The following MIER1 variants were observed in gnomAD, a reference collection of about 807,000 sequenced individuals.
MIER1 encodes MIER1 transcriptional regulator.
Under a neutral mutation model 75.7 loss-of-function variants are expected in MIER1, and 40 were observed. That is an observed-to-expected ratio of 0.53 (90% CI 0.41 to 0.69). The LOEUF (loss-of-function observed/expected upper bound fraction) is 0.69, where lower values mean the gene tolerates loss of function less well. MIER1 is among the 30% of genes least tolerant of loss of function. The pLI, the probability that MIER1 is intolerant of heterozygous loss-of-function variation, is 0.00. For synonymous variants in MIER1, 213 were observed against 223.4 expected (o/e 0.95, Z 0.42); for missense variants, 574 against 680.2 (o/e 0.84, Z 1.74).
chr1:66,962,551 C>CA (rs1661469048), intron 7 of MIER1, among the ~76,000 whole-genome samples: 1 of 152,072 alleles, frequency 6.6e-6, no homozygotes, highest in Non-Finnish European at 1.5e-5. Flanking sequence ...TGTGTGGTGG[C>CA]ATGTGCCTGT....
chr1:66,960,772 A>G (rs1417174707), intron 7 of MIER1, among the ~76,000 whole-genome samples: 1 of 152,206 alleles, frequency 6.6e-6, no homozygotes, highest in Non-Finnish European at 1.5e-5. Flanking sequence ...TCGACAGAAA[A>G]CAAGAATCAC....
rs1305291713 is a variant in MIER1 at position 66,982,067 on chromosome 1, A to G, written c.1369+149A>G. 4.3e-6 allele frequency: 3 copies of G among 698,714 alleles called. No individual in the cohort carries two copies. In the East Asian group the frequency reaches 8.2e-5, roughly 19 times the overall value. The allele number at this position is 698,714 out of a possible 1,614,324, so 43.3% of individuals were successfully genotyped here. A position where few individuals can be genotyped will look rare whatever the true frequency, so the allele number is the denominator to read the frequency against. On this transcript the variant is annotated intron_variant, in intron 13 of 13. Coordinates refer to ENST00000401041, the MANE Select transcript of MIER1 (RefSeq NM_001077700.3). ...TGAGACAAACATAACATCAGCATACATATATACTAACAGAATACAAAGTGA... is the reference window on the plus strand; with the variant it reads ...TGAGACAAACATAACATCAGCATACGTATATACTAACAGAATACAAAGTGA...
chr1:66,964,576 C>G (rs1661991854), intron 8 of MIER1, among the ~76,000 whole-genome samples: 1 of 151,720 alleles, frequency 6.6e-6, no homozygotes, highest in Admixed American at 6.6e-5. Context: ...CCTCAGCCTC[C>G]CAAGTAGCTA....
At chr1:66,968,069 GTAAT>G (rs1260950107) in intron 8 of MIER1, among the ~76,000 whole-genome samples, 4 of 152,110 alleles carry the variant, frequency 2.6e-5, no homozygotes, top group East Asian at 3.8e-4. Flanking sequence ...ATTTTAGAAA[GTAAT>G]TATGCATATG....
At chr1:66,930,979 C>T (rs1653144941) in intron 2 of MIER1, among the ~76,000 whole-genome samples, 1 of 152,160 alleles carries the variant, frequency 6.6e-6, no homozygotes, top group Non-Finnish European at 1.5e-5. Context: ...TTTATCCAGA[C>T]AGTTCCATCT....
chr1:66,974,332 G>A (rs1664260762), intron 11 of MIER1, among the ~76,000 whole-genome samples: 1 of 152,008 alleles, frequency 6.6e-6, no homozygotes, highest in South Asian at 2.1e-4. Flanking sequence ...TCAAGAAAAG[G>A]AGTGCATTAT....
intron 5 of MIER1, 115 bp from the exon 6 acceptor site, chr1:66,958,736 C>A: frequency 1.4e-6 from 1 of 736,992 alleles, no homozygotes; most frequent in Non-Finnish European, 2.1e-6. Context: ...GATACTACAT[C>A]TAGTATATTC....
intron 2 of MIER1, among the ~76,000 whole-genome samples, chr1:66,936,961 T>G (rs1357514282): frequency 8.3e-6 from 1 of 120,378 alleles, no homozygotes; most frequent in African/African-American, 3.4e-5. Flanking sequence ...ATTGTGCCAC[T>G]ACACTCCAGC....
In MIER1 at chr1:66,930,527, G is replaced by C. The variant is rs1033434521; in HGVS notation, c.168+4285G>C. 6.7e-5 allele frequency: 67 copies of C among 994,586 alleles called. No homozygotes were observed. The East Asian group carries it at 1.5e-3, about 22-fold the overall frequency. 61.6% of individuals were successfully genotyped at this position (994,586 alleles called of 1,614,324 possible). A position where few individuals can be genotyped will look rare whatever the true frequency, so the allele number is the denominator to read the frequency against. ...TGGCGCCGCTGCCCACCTGTTGTCC[G>C]GAACAGGCCATTCTCTGGGCGGGAG... On this transcript the variant is annotated intron_variant, in intron 2 of 13. Transcript: ENST00000401041.
At chr1:66,930,409 G>A (rs973839874) in intron 2 of MIER1, 3 of 1,606,848 alleles carry the variant, frequency 1.9e-6, no homozygotes, top group Admixed American at 3.4e-5. Context: ...AGGTAAGGGA[G>A]CGAGCTCCCC....
chr1:66,940,655 G>A (rs1655999611), intron 3 of MIER1, among the ~76,000 whole-genome samples: 1 of 152,216 alleles, frequency 6.6e-6, no homozygotes, highest in East Asian at 1.9e-4. Flanking sequence ...GCAAACCTGT[G>A]ATCTTTGAAT....
chr1:66,934,151 A>C (rs1193681398), intron 2 of MIER1, among the ~76,000 whole-genome samples: 1 of 152,244 alleles, frequency 6.6e-6, no homozygotes, highest in Non-Finnish European at 1.5e-5. Flanking sequence ...AGATTTAAAA[A>C]AATAAATTTA....
chr1:66,942,535 CAAA>C (rs1417786419), intron 3 of MIER1, among the ~76,000 whole-genome samples: 2 of 151,868 alleles, frequency 1.3e-5, no homozygotes, highest in Non-Finnish European at 2.9e-5. Flanking sequence ...AACTCTGATG[CAAA>C]ATACTTAATT....
At position 66,974,540 on chromosome 1, in the gene MIER1, G is replaced by A. The variant is rs188049000; in HGVS notation, c.1101+1549G>A. 5.2e-3 allele frequency among the ~76,000 whole-genome samples: 790 copies of A among 152,014 alleles called. 2 individuals carry two copies. The highest frequency in any genetic ancestry group is 0.017 in the Middle Eastern group (5 of 294). ...AGGGACCCCTGGAATGATAGCTTAT[G>A]TAACAAGCAGCAGCAACAACCCTGA... On this transcript the variant is annotated intron_variant, in intron 11 of 13. Coordinates refer to ENST00000401041, the MANE Select transcript of MIER1 (RefSeq NM_001077700.3).
chr1:66,978,292 AGGTATC>A lies in MIER1; in HGVS notation c.1229+1571_1229+1576del, dbSNP rs202040528. ...TTCTTGATCAAGTTCATTTATAGGT[AGGTATC>A]TCTGCTGGTCACTTCCTTAGAAGGT... On this transcript the variant is annotated intron_variant, in intron 12 of 13. Transcript: ENST00000401041. Among the ~76,000 whole-genome samples, 392 of 152,148 alleles carry A rather than the reference AGGTATC, an allele frequency of 2.6e-3. 2 individuals are homozygous for A. The highest frequency in any genetic ancestry group is 9.1e-3 in the African/African-American group (379 of 41,540).
chr1:66,971,282 C>T (rs1334750307), intron 9 of MIER1, among the ~76,000 whole-genome samples: 1 of 151,998 alleles, frequency 6.6e-6, no homozygotes, highest in Non-Finnish European at 1.5e-5. Context: ...ATGGTAAGAC[C>T]AGTGCCTACC....
chr1:66,935,436 A>G (rs567725628), intron 2 of MIER1, among the ~76,000 whole-genome samples: 7 of 152,216 alleles, frequency 4.6e-5, no homozygotes, highest in Non-Finnish European at 8.8e-5. Context: ...CTCAGATAAG[A>G]TAAATATGTA....
In MIER1 at chr1:66,987,921, C is replaced by T. The variant is rs868227319; in HGVS notation, c.*3021C>T. The T allele has an allele frequency of 7.5e-6, 1 of 133,742 alleles. No homozygotes were observed. The highest frequency in any genetic ancestry group is 4.2e-5 in the African/African-American group (1 of 24,088). The allele number at this position is 133,742 out of a possible 1,614,324, so 8.3% of individuals were successfully genotyped here. On this transcript the variant is annotated 3_prime_UTR_variant, in exon 14 of 14. Transcript: ENST00000401041. The stretch of plus-strand genomic sequence containing the variant: ...TTCAGTCCCTAGACCTCCATTCACT[C>T]TGTTTCTCTTCTGCTGGATTATATA...
In MIER1 at chr1:66,976,738, C is replaced by A; in HGVS notation, c.1229+16C>A. ...CTGGTGTAACGTGAGTTAATTTTTTCCTTAAGAGCTATATATACATTTTTG... is the reference window on the plus strand; with the variant it reads ...CTGGTGTAACGTGAGTTAATTTTTTACTTAAGAGCTATATATACATTTTTG... On this transcript the variant is annotated intron_variant, in intron 12 of 13. Transcript: ENST00000401041. 1 of 1,563,464 alleles carries A rather than the reference C, an allele frequency of 6.4e-7. No individual in the cohort carries two copies. The highest frequency in any genetic ancestry group is 2.3e-5 in the East Asian group (1 of 43,762).
Sources: gnomAD v4.1 joint callset for allele counts (sites outside exome capture counted in the v4.1 genomes callset) on GRCh38, gnomAD v4.1.1 for gene constraint, MANE v1.5 for transcripts, NCBI Gene and HGNC (gene_info 2026-07-23, HGNC 2026-07-21) for gene names.